CATSPERT: variants seen among roughly 807,000 people sequenced by gnomAD.
CATSPERT encodes the protein catsper channel auxiliary subunit tau.
chr2:201,560,615 C>T, the CATSPERT span, among the ~76,000 whole-genome samples: 8,208 of 151,966 alleles, frequency 0.054, 269 homozygotes, highest in African/African-American at 0.077. Flanking sequence ...ACAGGACTTA[C>T]GGGACACTGT....
chr2:201,614,712 T>C, the CATSPERT span, among the ~76,000 whole-genome samples: 176 of 152,118 alleles, frequency 1.2e-3, no homozygotes, highest in Non-Finnish European at 1.7e-3. Flanking sequence ...CATAACAATA[T>C]TAACCTTAAA....
At chr2:201,585,219 C>T in the CATSPERT span, among the ~76,000 whole-genome samples, 1 of 151,862 alleles carries the variant, frequency 6.6e-6, no homozygotes, top group Non-Finnish European at 1.5e-5. Context: ...GAACATCACA[C>T]ACCAGGGCCT....
At chr2:201,548,125 T>G in the CATSPERT span, among the ~76,000 whole-genome samples, 1 of 152,240 alleles carries the variant, frequency 6.6e-6, no homozygotes, top group South Asian at 2.1e-4. Context: ...TAGGTATACA[T>G]GTGCCACGTT....
the CATSPERT span, among the ~76,000 whole-genome samples, chr2:201,575,034 CAAAAAAAAA>C: frequency 3.1e-5 from 3 of 97,930 alleles, no homozygotes. Context: ...CACCATTTAG[CAAAAAAAAA>C]AAAAAAAAAG....
chr2:201,507,467 G>C, the CATSPERT span, among the ~76,000 whole-genome samples: 2 of 152,144 alleles, frequency 1.3e-5, no homozygotes, highest in African/African-American at 4.8e-5. Context: ...TTGCCAAGAT[G>C]ATTCTAATAC....
the CATSPERT span, among the ~76,000 whole-genome samples, chr2:201,613,219 G>A: frequency 0.43 from 65,993 of 152,086 alleles, 14,747 homozygotes; most frequent in South Asian, 0.55. Context: ...CTCCTAGCAC[G>A]GAGTTTGAGA....
At chr2:201,493,230 C>T in the CATSPERT span, 1 of 1,536,344 alleles carries the variant, frequency 6.5e-7, no homozygotes, top group African/African-American at 1.4e-5. Flanking sequence ...CTTTACAAAG[C>T]CTCTGACCAT....
the CATSPERT span, chr2:201,618,828 T>C: frequency 7.0e-7 from 1 of 1,437,930 alleles, no homozygotes; most frequent in Non-Finnish European, 9.6e-7. Context: ...AACCCTTTAA[T>C]CCTTTCACCA....
chr2:201,516,933 T>G, the CATSPERT span, among the ~76,000 whole-genome samples: 5 of 147,094 alleles, frequency 3.4e-5, no homozygotes, highest in Non-Finnish European at 6.1e-5. Context: ...AGGAAGGCTT[T>G]TTTTTTTTTT....
the CATSPERT span, among the ~76,000 whole-genome samples, chr2:201,499,067 G>A: frequency 6.6e-6 from 1 of 152,050 alleles, no homozygotes; most frequent in South Asian, 2.1e-4. Context: ...CACCCTCCAG[G>A]GAAGCCTGCC....
the CATSPERT span, chr2:201,493,111 T>C: frequency 6.5e-7 from 1 of 1,528,054 alleles, no homozygotes. Flanking sequence ...GAAAAAAACA[T>C]TGAAGATGTT....
At chr2:201,585,744 A>C in the CATSPERT span, among the ~76,000 whole-genome samples, 1 of 152,168 alleles carries the variant, frequency 6.6e-6, no homozygotes, top group Non-Finnish European at 1.5e-5. Context: ...TAAACATTGG[A>C]TTTGATAAGC....
chr2:201,547,589 TTC>T, the CATSPERT span: 1 of 1,522,828 alleles, frequency 6.6e-7, no homozygotes, highest in Non-Finnish European at 8.9e-7. Flanking sequence ...GATTTCTATA[TTC>T]TTTTTTCATC....
the CATSPERT span, chr2:201,547,585 T>G: frequency 6.5e-7 from 1 of 1,528,472 alleles, no homozygotes; most frequent in African/African-American, 1.4e-5. Context: ...TTCAGATTTC[T>G]ATATTCTTTT....
the CATSPERT span, chr2:201,582,048 C>G: frequency 6.3e-7 from 1 of 1,577,702 alleles, no homozygotes; most frequent in Non-Finnish European, 8.6e-7. Flanking sequence ...ACTGGACAAC[C>G]AACTGGCAAC....
chr2:201,601,611 T>A, the CATSPERT span: 1 of 840,690 alleles, frequency 1.2e-6, no homozygotes, highest in East Asian at 2.8e-5. Flanking sequence ...TACTGTAAGA[T>A]ACCAAATAAA....
chr2:201,604,229 G>A, the CATSPERT span, among the ~76,000 whole-genome samples: 1 of 151,852 alleles, frequency 6.6e-6, no homozygotes, highest in African/African-American at 2.4e-5. Context: ...GGGGAGGGGC[G>A]CAGGATCAAT....
the CATSPERT span, among the ~76,000 whole-genome samples, chr2:201,560,761 C>T: frequency 6.6e-6 from 1 of 151,838 alleles, no homozygotes; most frequent in East Asian, 1.9e-4. Flanking sequence ...TGACCAACAC[C>T]TATATTTCAG....
chr2:201,600,544 C>T, the CATSPERT span, among the ~76,000 whole-genome samples: 1 of 151,832 alleles, frequency 6.6e-6, no homozygotes, highest in African/African-American at 2.4e-5. Context: ...ATGTAACAAA[C>T]CTACATGTTG....
Sources: allele counts gnomAD v4.1 joint callset (sites outside exome capture counted in the v4.1 genomes callset), GRCh38; gene constraint gnomAD v4.1.1; transcripts MANE v1.5; gene names NCBI Gene and HGNC (gene_info 2026-07-23, HGNC 2026-07-21).